Variants in AFAP1L1 observed in about 807,000 individuals in gnomAD.
The protein encoded by AFAP1L1 is actin filament associated protein 1 like 1.
A neutral mutation model predicts 99.8 loss-of-function variants in AFAP1L1; 77 were observed. That is an observed-to-expected ratio of 0.77 (90% confidence interval 0.64 to 0.93). The LOEUF is 0.93. Among genes scored for constraint, AFAP1L1 ranks in the 40% least tolerant of loss-of-function variants. The pLI, the probability that AFAP1L1 is intolerant of heterozygous loss-of-function variation, is 0.00. For missense variants in AFAP1L1, 893 were observed against 996.8 expected, an observed-to-expected ratio of 0.90 and a Z score of 1.40; for synonymous variants, 373 against 395.3, an observed-to-expected ratio of 0.94 and a Z score of 0.67.
intron 1 of AFAP1L1, among the ~76,000 whole-genome samples, chr5:149,298,827 G>A (rs775605742): frequency 1.8e-4 from 28 of 152,278 alleles, no homozygotes; most frequent in South Asian, 4.1e-4. Flanking sequence ...AGCTTGGTGC[G>A]GATCAGAAAT....
chr5:149,309,277 GTGA>G (rs1282541501), intron 7 of AFAP1L1, among the ~76,000 whole-genome samples: 1 of 152,116 alleles, frequency 6.6e-6, no homozygotes, highest in East Asian at 1.9e-4. Context: ...ATTCAGATAT[GTGA>G]TTTCTGGCCT....
chr5:149,297,410 C>G (rs1756051405), intron 1 of AFAP1L1, among the ~76,000 whole-genome samples: 1 of 152,064 alleles, frequency 6.6e-6, no homozygotes, highest in Admixed American at 6.5e-5. Context: ...GCCACTATCC[C>G]ATAGCTGCCA....
In AFAP1L1 at chr5:149,320,787, T is replaced by G. The variant is rs1306466581; in HGVS notation, c.1698+324T>G. On this transcript the variant is annotated intron_variant, in intron 14 of 18. Coordinates refer to ENST00000296721, the MANE Select transcript of AFAP1L1 (RefSeq NM_152406.4). The surrounding 1 kb of genome is among the most constrained non-coding windows in gnomAD (Gnocchi z 4.0). ...TCCTGTTTACCACTCTGTGAACTTA[T>G]CCTGCTGATTCCGTGGTGTCTGGGG... Among the ~76,000 whole-genome samples the G allele has an allele frequency of 1.3e-5, 2 of 152,232 alleles. No homozygotes were observed. Among genetic ancestry groups the G allele is most frequent in the Admixed American group, 6.5e-5 (1 of 15,292 alleles).
chr5:149,299,367 C>T lies in AFAP1L1; in HGVS notation c.17-142C>T, dbSNP rs1756113790. ...GAGCTGCGTGGCAGGTCTGGGACAGCTGAGAGCCCCCAGGTCCGCTTGCAC... is the reference window on the plus strand; with the variant it reads ...GAGCTGCGTGGCAGGTCTGGGACAGTTGAGAGCCCCCAGGTCCGCTTGCAC... On this transcript the variant is annotated intron_variant, in intron 1 of 18. Transcript: ENST00000296721. The T allele has an allele frequency of 3.5e-6, 4 of 1,129,546 alleles. No homozygotes were observed. The African/African-American group carries it at 6.2e-5, about 18-fold the overall frequency. The allele number at this position is 1,129,546 out of a possible 1,614,324, so 70.0% of individuals were successfully genotyped here.
chr5:149,299,731 C>G lies in AFAP1L1; in HGVS notation c.145+94C>G. 8.4e-6 allele frequency: 13 copies of G among 1,547,808 alleles called. No individual in the cohort carries two copies. In the South Asian group the frequency reaches 1.6e-4, roughly 19 times the overall value. ...TCAAGAACATGCAGGAACCCTCCGCCCCACCCCCACCCCCAGGGGCTGCCG... is the reference window on the plus strand; with the variant it reads ...TCAAGAACATGCAGGAACCCTCCGCGCCACCCCCACCCCCAGGGGCTGCCG... On this transcript the variant is annotated intron_variant, in intron 2 of 18. Transcript: ENST00000296721.
intron 9 of AFAP1L1, among the ~76,000 whole-genome samples, chr5:149,313,482 A>G (rs558871307): frequency 6.6e-6 from 1 of 152,358 alleles, no homozygotes; most frequent in African/African-American, 2.4e-5. Flanking sequence ...AGATTTGCCC[A>G]AGGTCACATA....
intron 1 of AFAP1L1, among the ~76,000 whole-genome samples, chr5:149,273,050 G>A (rs1581277061): frequency 1.3e-5 from 2 of 151,816 alleles, no homozygotes; most frequent in Non-Finnish European, 1.5e-5. Flanking sequence ...GCAATGGCCA[G>A]ATGGGCATGT....
intron 17 of AFAP1L1, among the ~76,000 whole-genome samples, chr5:149,333,705 AG>A (rs1757322176): frequency 6.6e-6 from 1 of 152,208 alleles, no homozygotes; most frequent in African/African-American, 2.4e-5. Context: ...GTCCTACCTA[AG>A]GATATCAAGT....
intron 14 of AFAP1L1, among the ~76,000 whole-genome samples, chr5:149,321,291 T>G (rs1360374003): frequency 6.6e-6 from 1 of 152,228 alleles, no homozygotes; most frequent in Non-Finnish European, 1.5e-5. Context: ...CAGAGTTTAG[T>G]GGCAAGACAG....
At chr5:149,303,729 T>C (rs1302671572) in intron 5 of AFAP1L1, among the ~76,000 whole-genome samples, 3 of 152,220 alleles carry the variant, frequency 2.0e-5, no homozygotes, top group Admixed American at 6.5e-5. Context: ...TTTTCAAGGA[T>C]ATGCAAGGAA....
At chr5:149,309,603 A>C (rs1421309071) in intron 7 of AFAP1L1, among the ~76,000 whole-genome samples, 1 of 152,128 alleles carries the variant, frequency 6.6e-6, no homozygotes, top group Non-Finnish European at 1.5e-5. Context: ...TCGCTGTTAG[A>C]ATTGTCTCCC....
At chr5:149,315,647 A>G (rs1756769971) in intron 9 of AFAP1L1, 174 bp from the exon 10 acceptor site, 1 of 613,034 alleles carries the variant, frequency 1.6e-6, no homozygotes, top group Non-Finnish European at 3.0e-6. Context: ...TATCTAAGTC[A>G]TGGTTGTCTT....
intron 1 of AFAP1L1, among the ~76,000 whole-genome samples, chr5:149,291,554 AGAAAG>A (rs1755861657): frequency 7.0e-6 from 1 of 142,226 alleles, no homozygotes. Context: ...AAAAAAAGAA[AGAAAG>A]AAGAGAAAAG....
Position 149,299,564 on chromosome 5 carries a change from G to A in AFAP1L1, c.72G>A (p.Glu24=), listed in dbSNP as rs2127593767. ...LTGLLSLLDH[E]YLSDTTLEKK... ...GGCTGCTCAGCCTCCTGGACCACGA[G>A]TACCTCAGCGATACCACCCTGGAAA... The change falls in exon 2 of 19, where the codon GAG becomes GAA. Residue 24 remains glutamate (E), a synonymous_variant. Coordinates refer to ENST00000296721, the MANE Select transcript of AFAP1L1 (RefSeq NM_152406.4). 1 of 1,614,156 alleles carries A rather than the reference G, an allele frequency of 6.2e-7. No individual in the cohort carries two copies. Among genetic ancestry groups the A allele is most frequent in the Non-Finnish European group, 8.5e-7 (1 of 1,180,008 alleles).
intron 18 of AFAP1L1, among the ~76,000 whole-genome samples, chr5:149,338,176 C>T (rs1427559434): frequency 6.6e-6 from 1 of 152,154 alleles, no homozygotes; most frequent in Non-Finnish European, 1.5e-5. Flanking sequence ...AAATGCATGG[C>T]TTGGCCAGGC....
Position 149,316,171 on chromosome 5 carries a change from C to G in AFAP1L1, c.1135C>G (p.Leu379Val), listed in dbSNP as rs1323609268. The G allele has an allele frequency of 1.2e-6, 2 of 1,613,894 alleles. No individual in the cohort carries two copies. Among genetic ancestry groups the G allele is most frequent in the South Asian group, 2.2e-5 (2 of 91,066 alleles). Residue 379 changes from leucine to valine, a missense_variant, in exon 11 of 19, where the codon CTG (leucine) becomes GTG (valine). Coordinates refer to ENST00000296721, the MANE Select transcript of AFAP1L1 (RefSeq NM_152406.4). The part of the protein sequence containing the change: ...CDHGKGKKSS[L>V]AELKGSMSRA... ...AACAGGCAAAGGGAAGAAGAGCAGC[C>G]TGGCAGAACTGAAGGGCTCAATGAG...
In AFAP1L1 at chr5:149,301,114, A is replaced by G. The variant is rs765370100; in HGVS notation, c.230-19A>G. 27 of 1,612,248 alleles carry G rather than the reference A, an allele frequency of 1.7e-5. No individual in the cohort carries two copies. The highest frequency in any genetic ancestry group is 1.7e-4 in the Admixed American group (10 of 59,962). Reference sequence around the variant, plus strand: ...GCTCATCCTTGGCTTTCTTTGCCCAATGGCCTGTCCCTCTGTAGACTGTGA... The same window carrying G: ...GCTCATCCTTGGCTTTCTTTGCCCAGTGGCCTGTCCCTCTGTAGACTGTGA... On this transcript the variant is annotated intron_variant, in intron 3 of 18. Coordinates refer to ENST00000296721, the MANE Select transcript of AFAP1L1 (RefSeq NM_152406.4).
At chr5:149,317,024 G>A (rs1756816712) in intron 11 of AFAP1L1, among the ~76,000 whole-genome samples, 1 of 152,086 alleles carries the variant, frequency 6.6e-6, no homozygotes, top group African/African-American at 2.4e-5. Flanking sequence ...AATTAGCCAG[G>A]CATGGTGGTG....
At chr5:149,300,418 G>T in intron 3 of AFAP1L1, 64 bp downstream of exon 3, 1 of 1,450,968 alleles carries the variant, frequency 6.9e-7, no homozygotes, top group Non-Finnish European at 9.5e-7. Flanking sequence ...ATGCAGAAGG[G>T]TCCCCCGACT....
Sources: allele counts gnomAD v4.1 joint callset (sites outside exome capture counted in the v4.1 genomes callset), GRCh38; gene constraint gnomAD v4.1.1; non-coding constraint Gnocchi (gnomAD v3.1); transcripts MANE v1.5; gene names NCBI Gene and HGNC (gene_info 2026-07-23, HGNC 2026-07-21).